Variants in LINGO2 observed in about 807,000 individuals in gnomAD.
LINGO2 encodes leucine rich repeat and Ig domain containing 2, also known as leucine-rich repeat and immunoglobulin-like domain-containing nogo receptor-interacting protein 2.
Under a neutral mutation model 30.6 loss-of-function variants are expected in LINGO2, and 14 were observed. That is an observed-to-expected ratio of 0.46 (90% CI 0.30 to 0.72). LINGO2 has a LOEUF of 0.72. LINGO2 is among the 30% of genes least tolerant of loss of function. The pLI, the probability that LINGO2 is intolerant of heterozygous loss-of-function variation, is 0.07. For synonymous variants in LINGO2, 317 were observed against 288.5 expected, an observed-to-expected ratio of 1.10 and a Z score of -1.00; for missense variants, 729 against 751.7, an observed-to-expected ratio of 0.97 and a Z score of 0.35.
chr9:28,723,350 C>T, the LINGO2 span, among the ~76,000 whole-genome samples: 1 of 152,084 alleles, frequency 6.6e-6, no homozygotes, highest in Admixed American at 6.6e-5. Context: ...TTAAGAGATT[C>T]TGATTCTATG....
intron 1 of LINGO2, among the ~76,000 whole-genome samples, chr9:28,575,579 A>G (rs1423002185): frequency 6.6e-6 from 1 of 151,998 alleles, no homozygotes; most frequent in Admixed American, 6.6e-5. Flanking sequence ...TTGAAAAACT[A>G]ACTTTTGTAT....
chr9:27,990,471 C>CCCG (rs1554650619), intron 5 of LINGO2, among the ~76,000 whole-genome samples: 19 of 77,702 alleles, frequency 2.4e-4, no homozygotes, highest in Non-Finnish European at 5.4e-4. Context: ...TACCCCCCCC[C>CCCG]CTTTTATTTT....
chr9:28,074,833 TA>T (rs1437893513), intron 4 of LINGO2, among the ~76,000 whole-genome samples: 10 of 152,102 alleles, frequency 6.6e-5, no homozygotes, highest in African/African-American at 2.4e-4. Context: ...TTGATGGTTT[TA>T]TTTTATATTT....
At chr9:28,530,205 C>G (rs1821177088) in intron 1 of LINGO2, among the ~76,000 whole-genome samples, 1 of 151,782 alleles carries the variant, frequency 6.6e-6, no homozygotes, top group South Asian at 2.1e-4. Context: ...CAATTCCAGA[C>G]AAGTTTAATA....
At chr9:28,229,611 T>A (rs1289278486) in intron 4 of LINGO2, among the ~76,000 whole-genome samples, 1 of 151,780 alleles carries the variant, frequency 6.6e-6, no homozygotes, top group Non-Finnish European at 1.5e-5. Context: ...ACAGAATAGT[T>A]GCAAAATGTG....
At chr9:28,467,440 A>G (rs917632223) in intron 2 of LINGO2, among the ~76,000 whole-genome samples, 3 of 152,100 alleles carry the variant, frequency 2.0e-5, no homozygotes, top group Admixed American at 6.6e-5. Flanking sequence ...TGCTTTCCCT[A>G]TGATGAAAGG....
At chr9:28,885,099 C>A in the LINGO2 span, among the ~76,000 whole-genome samples, 1 of 142,190 alleles carries the variant, frequency 7.0e-6, no homozygotes, top group Middle Eastern at 3.7e-3. Flanking sequence ...GGGTCCCCTC[C>A]CTTTGGCTGG....
chr9:27,967,337 G>C (rs779408088), intron 5 of LINGO2, among the ~76,000 whole-genome samples: 14 of 152,016 alleles, frequency 9.2e-5, no homozygotes, highest in Non-Finnish European at 1.3e-4. Context: ...AAAAGATGAA[G>C]AGGATCATAA....
At chr9:28,912,344 T>C in the LINGO2 span, among the ~76,000 whole-genome samples, 34 of 152,264 alleles carry the variant, frequency 2.2e-4, no homozygotes, top group South Asian at 5.8e-3. Flanking sequence ...TTGTTCCTTT[T>C]TTTTCAGCCT....
intron 4 of LINGO2, among the ~76,000 whole-genome samples, chr9:28,264,826 G>GT (rs1291927062): frequency 1.3e-5 from 2 of 151,954 alleles, no homozygotes; most frequent in Non-Finnish European, 2.9e-5. Flanking sequence ...TATTGTAAAG[G>GT]TATTTTACAT....
chr9:28,540,498 G>C (rs1821642573), intron 1 of LINGO2, among the ~76,000 whole-genome samples: 1 of 152,058 alleles, frequency 6.6e-6, no homozygotes, highest in African/African-American at 2.4e-5. Flanking sequence ...CTGACTTCAA[G>C]GTATCCACCG....
chr9:28,243,610 T>C (rs1456486428), intron 4 of LINGO2, among the ~76,000 whole-genome samples: 2 of 150,562 alleles, frequency 1.3e-5, no homozygotes, highest in African/African-American at 2.4e-5. Flanking sequence ...ACCAAGCAAA[T>C]GGAAAGCAAC....
chr9:28,791,247 A>C, the LINGO2 span, among the ~76,000 whole-genome samples: 1 of 152,118 alleles, frequency 6.6e-6, no homozygotes, highest in Non-Finnish European at 1.5e-5. Context: ...CACTGATAAA[A>C]ATGAGAGTAT....
chr9:29,171,241 G>T, the LINGO2 span, among the ~76,000 whole-genome samples: 12 of 152,122 alleles, frequency 7.9e-5, no homozygotes, highest in African/African-American at 2.9e-4. Context: ...TTTCATTTAA[G>T]TTCATACTTG....
intron 3 of LINGO2, among the ~76,000 whole-genome samples, chr9:28,300,501 T>C (rs1264640784): frequency 3.3e-5 from 5 of 152,132 alleles, no homozygotes; most frequent in African/African-American, 9.7e-5. Flanking sequence ...ATAGGCCACA[T>C]TCTTGTTTTC....
At chr9:29,055,490 G>A in the LINGO2 span, among the ~76,000 whole-genome samples, 3 of 152,230 alleles carry the variant, frequency 2.0e-5, no homozygotes, top group African/African-American at 7.2e-5. Flanking sequence ...TTTGGCTATT[G>A]TAAATAATGC....
At chr9:28,323,732 C>T (rs1372616406) in intron 3 of LINGO2, among the ~76,000 whole-genome samples, 2 of 152,128 alleles carry the variant, frequency 1.3e-5, no homozygotes, top group Non-Finnish European at 2.9e-5. Context: ...GGGCACCTGA[C>T]AGTAACCAAT....
chr9:27,996,482 CAT>C (rs1821667982), intron 5 of LINGO2, among the ~76,000 whole-genome samples: 1 of 152,080 alleles, frequency 6.6e-6, no homozygotes, highest in South Asian at 2.1e-4. Context: ...TTTGCAGTAA[CAT>C]AGATGGAACT....
At chr9:28,773,629 A>G in the LINGO2 span, among the ~76,000 whole-genome samples, 1 of 152,258 alleles carries the variant, frequency 6.6e-6, no homozygotes, top group Admixed American at 6.5e-5. Context: ...TCTATTATTC[A>G]TGCTGCTTGT....
Sources: gnomAD v4.1 joint callset for allele counts (sites outside exome capture counted in the v4.1 genomes callset) on GRCh38, gnomAD v4.1.1 for gene constraint, MANE v1.5 for transcripts, NCBI Gene and HGNC (gene_info 2026-07-23, HGNC 2026-07-21) for gene names.